The following KATNAL2 variants were observed in gnomAD, a reference collection of about 807,000 sequenced individuals.
KATNAL2 encodes the protein katanin catalytic subunit A1 like 2, also known as katanin p60 ATPase-containing subunit A-like 2.
KATNAL2 carries 52 observed loss-of-function variants against 76.3 expected under a neutral mutation model. The ratio of observed to expected loss-of-function variants is 0.68; its 90% CI spans 0.55 to 0.86. KATNAL2 has a LOEUF of 0.86. Ranked by LOEUF, KATNAL2 falls within the 40% of genes least tolerant of loss-of-function variation. KATNAL2 has a pLI of 0.00. For synonymous variants in KATNAL2, 243 were observed against 244.2 expected (o/e 1.00, Z 0.05); for missense variants, 660 against 668.9 (o/e 0.99, Z 0.15).
chr18:46,960,683 C>T (rs1270685337), intron 3 of KATNAL2, among the ~76,000 whole-genome samples: 1 of 152,152 alleles, frequency 6.6e-6, no homozygotes, highest in South Asian at 2.1e-4. Context: ...TCTTGTGGGA[C>T]AGAAGAGCAT....
chr18:46,953,336 A>G (rs1429103135), intron 3 of KATNAL2, among the ~76,000 whole-genome samples: 11 of 152,136 alleles, frequency 7.2e-5, no homozygotes, highest in Non-Finnish European at 1.6e-4. Context: ...TTGTCCATTT[A>G]TTTTTAAGAA....
At chr18:47,082,084 A>G (rs1195911407) in intron 15 of KATNAL2, among the ~76,000 whole-genome samples, 1 of 152,212 alleles carries the variant, frequency 6.6e-6, no homozygotes, top group East Asian at 1.9e-4. Context: ...ATATGTGTGT[A>G]TATCACAGAG....
At chr18:46,944,324 A>C (rs897840108) in intron 1 of KATNAL2, among the ~76,000 whole-genome samples, 1 of 152,250 alleles carries the variant, frequency 6.6e-6, no homozygotes, top group African/African-American at 2.4e-5. Flanking sequence ...GAAAATATTA[A>C]AAATAAGTAG....
intron 9 of KATNAL2, 51 bp from the exon 10 acceptor site, chr18:47,063,233 C>CTAAA: frequency 6.3e-7 from 1 of 1,584,218 alleles, no homozygotes. Context: ...GGGTTTCTTC[C>CTAAA]TAAATTATGA....
chr18:47,097,512 G>C (rs752309584), intron 15 of KATNAL2, among the ~76,000 whole-genome samples: 7 of 152,192 alleles, frequency 4.6e-5, no homozygotes, highest in Non-Finnish European at 1.0e-4. Flanking sequence ...ACAGGGAATA[G>C]AGGAACCAGT....
At chr18:47,092,900 T>C (rs1302843576) in intron 15 of KATNAL2, among the ~76,000 whole-genome samples, 1 of 152,218 alleles carries the variant, frequency 6.6e-6, no homozygotes, top group African/African-American at 2.4e-5. Flanking sequence ...AGGCCTCACA[T>C]GTTGAAAATG....
In KATNAL2 at chr18:47,101,057, T is replaced by A; in HGVS notation, c.*52T>A. ...AAAGGCAACCACAAAGACCTCCTAGTTTATTAATGTCCGTGGGAGAACAAA... is the reference window on the plus strand; with the variant it reads ...AAAGGCAACCACAAAGACCTCCTAGATTATTAATGTCCGTGGGAGAACAAA... On this transcript the variant is annotated 3_prime_UTR_variant, in exon 18 of 18. Transcript: ENST00000683218. 1 of 1,594,012 alleles carries A rather than the reference T, an allele frequency of 6.3e-7. No individual in the cohort carries two copies.
chr18:47,066,508 AT>A (rs1292520601), intron 10 of KATNAL2, among the ~76,000 whole-genome samples: 4 of 152,146 alleles, frequency 2.6e-5, no homozygotes. Flanking sequence ...AAAAAGAGAA[AT>A]TGGTTTCAGA....
intron 3 of KATNAL2, chr18:47,033,149 G>A (rs765831931): frequency 8.1e-6 from 13 of 1,613,954 alleles, no homozygotes; most frequent in Non-Finnish European, 1.0e-5. Flanking sequence ...CGCTTCTCAG[G>A]GAGCCAGCGA....
At chr18:47,052,751 T>G (rs1244465318) in intron 4 of KATNAL2, 129 bp from the exon 5 acceptor site, 2 of 604,494 alleles carry the variant, frequency 3.3e-6, no homozygotes, top group Non-Finnish European at 5.4e-6. Flanking sequence ...ATGCACATAC[T>G]AGTTTTCATC....
At chr18:47,057,680 T>C (rs928289655) in intron 6 of KATNAL2, among the ~76,000 whole-genome samples, 28 of 152,200 alleles carry the variant, frequency 1.8e-4, no homozygotes, top group Admixed American at 6.5e-5. Context: ...GGGACAACAT[T>C]GATGAAGGGA....
In KATNAL2 at chr18:47,035,454, C is replaced by T. The variant is rs2060728278; in HGVS notation, c.52-11003C>T. 3 of 1,271,432 alleles carry T rather than the reference C, an allele frequency of 2.4e-6. No homozygotes were observed. The Admixed American group carries it at 8.3e-5, about 35-fold the overall frequency. The allele number at this position is 1,271,432 out of a possible 1,614,324, so 78.8% of individuals were successfully genotyped here. A position where few individuals can be genotyped will look rare whatever the true frequency, so the allele number is the denominator to read the frequency against. On this transcript the variant is annotated intron_variant, in intron 3 of 17. Transcript: ENST00000683218. ...GGCCACTTGGTCTGGAACGGCCGTC[C>T]TTGCAGACAGCTGAGCAGGCCCGCT...
intron 3 of KATNAL2, among the ~76,000 whole-genome samples, chr18:47,041,016 T>C (rs925158702): frequency 2.0e-5 from 3 of 152,206 alleles, no homozygotes; most frequent in African/African-American, 7.2e-5. Context: ...TTAAAAGCAG[T>C]AGGCCTGACA....
chr18:46,959,731 G>C (rs940999189), intron 3 of KATNAL2, among the ~76,000 whole-genome samples: 1 of 152,072 alleles, frequency 6.6e-6, no homozygotes, highest in African/African-American at 2.4e-5. Flanking sequence ...CCGCCACCAT[G>C]CCCGGCTAAT....
chr18:47,100,221 A>G, intron 16 of KATNAL2, 33 bp from the exon 17 acceptor site: 2 of 1,522,006 alleles, frequency 1.3e-6, no homozygotes, highest in Non-Finnish European at 1.8e-6. Context: ...CATTCTGCCC[A>G]CTGACCAATG....
At chr18:47,100,827 G>T (rs768573336) in intron 17 of KATNAL2, 39 bp from the exon 18 acceptor site, 7 of 1,612,950 alleles carry the variant, frequency 4.3e-6, no homozygotes, top group Non-Finnish European at 5.9e-6. Flanking sequence ...TCACCAAGAG[G>T]TCGATTGTTG....
At chr18:46,932,552 T>C (rs1287622882) in intron 1 of KATNAL2, among the ~76,000 whole-genome samples, 1 of 150,058 alleles carries the variant, frequency 6.7e-6, no homozygotes, top group Non-Finnish European at 1.5e-5. Context: ...TGTGCGCCTG[T>C]ATGCACCGCC....
chr18:47,091,153 A>G (rs1449761081), intron 15 of KATNAL2: 1 of 152,226 alleles, frequency 6.6e-6, no homozygotes, highest in East Asian at 1.9e-4. Flanking sequence ...TGGAGACAGG[A>G]CGAGGGACTT....
At chr18:46,940,741 TA>T (rs1363244537) in intron 1 of KATNAL2, among the ~76,000 whole-genome samples, 3 of 152,126 alleles carry the variant, frequency 2.0e-5, no homozygotes, top group Non-Finnish European at 2.9e-5. Flanking sequence ...ACAGAGTTAA[TA>T]AAACAAAAAG....
Sources: allele counts gnomAD v4.1 joint callset (sites outside exome capture counted in the v4.1 genomes callset), GRCh38; gene constraint gnomAD v4.1.1; transcripts MANE v1.5; gene names NCBI Gene and HGNC (gene_info 2026-07-23, HGNC 2026-07-21).